The following LRBA variants were observed in gnomAD, a reference collection of about 807,000 sequenced individuals.
LRBA encodes the protein lipopolysaccharide-responsive and beige-like anchor protein.
A neutral mutation model predicts 330.0 loss-of-function variants in LRBA; 176 were observed. The ratio of observed to expected loss-of-function variants is 0.53; its 90% CI spans 0.47 to 0.60. The LOEUF is 0.60. LRBA is among the 20% of genes least tolerant of loss of function. LRBA has a pLI of 0.00. For missense variants in LRBA, 3,259 were observed against 3,444.8 expected, an observed-to-expected ratio of 0.95 and a Z score of 1.35; for synonymous variants, 1,230 against 1,193.0, an observed-to-expected ratio of 1.03 and a Z score of -0.64.
chr4:150,959,845 CA>C lies in LRBA; in HGVS notation c.217-30781del, dbSNP rs1264700568. ...AAATATATAAAAGAATGTAAATACA[CA>C]AAGAATATATTTATAAATCTATATA... On this transcript the variant is annotated intron_variant, in intron 2 of 56. Coordinates refer to ENST00000651943, the MANE Select transcript of LRBA (RefSeq NM_001364905.1). 4.2e-5 allele frequency among the ~76,000 whole-genome samples: 6 copies of C among 143,208 alleles called. 1 individual carries two copies. Among genetic ancestry groups the C allele is most frequent in the African/African-American group, 1.6e-4 (6 of 36,882 alleles). 94.0% of individuals were successfully genotyped at this position (143,208 alleles called of 152,430 possible).
At chr4:150,341,141 A>G (rs1735484970) in intron 48 of LRBA, among the ~76,000 whole-genome samples, 1 of 151,970 alleles carries the variant, frequency 6.6e-6, no homozygotes, top group Non-Finnish European at 1.5e-5. Flanking sequence ...ATGGTTTCCA[A>G]ATATGTTTTA....
At chr4:150,953,572 C>T (rs1448243809) in intron 2 of LRBA, among the ~76,000 whole-genome samples, 1 of 148,714 alleles carries the variant, frequency 6.7e-6, no homozygotes, top group Non-Finnish European at 1.5e-5. Context: ...GCCGTGTTGG[C>T]TGGGCTGGTC....
At chr4:150,599,204 A>T (rs1481326502) in intron 37 of LRBA, 73 bp from the exon 38 acceptor site, 1 of 1,540,326 alleles carries the variant, frequency 6.5e-7, no homozygotes, top group African/African-American at 1.4e-5. Context: ...TTCTGCATAA[A>T]GCTCTCCTTG....
intron 16 of LRBA, among the ~76,000 whole-genome samples, chr4:150,895,528 G>A (rs1192121279): frequency 6.6e-6 from 1 of 152,060 alleles, no homozygotes; most frequent in Admixed American, 6.6e-5. Flanking sequence ...GTGAGAACAT[G>A]TGGTGTTTGG....
chr4:150,502,939 G>A (rs1397162076), intron 40 of LRBA, among the ~76,000 whole-genome samples: 5 of 152,168 alleles, frequency 3.3e-5, no homozygotes, highest in Non-Finnish European at 5.9e-5. Context: ...CTACACCCAC[G>A]GAGTCTCGCT....
intron 34 of LRBA, among the ~76,000 whole-genome samples, chr4:150,774,648 T>G (rs1387337976): frequency 6.6e-6 from 1 of 152,250 alleles, no homozygotes; most frequent in East Asian, 1.9e-4. Context: ...CTTTTGTGAT[T>G]AAAATGCATC....
intron 47 of LRBA, among the ~76,000 whole-genome samples, chr4:150,355,083 C>G (rs981648976): frequency 6.6e-6 from 1 of 151,690 alleles, no homozygotes; most frequent in Non-Finnish European, 1.5e-5. Flanking sequence ...TTATTATTTT[C>G]TATAGTGGAG....
chr4:150,975,641 A>C (rs1451858235), intron 2 of LRBA, among the ~76,000 whole-genome samples: 1 of 152,102 alleles, frequency 6.6e-6, no homozygotes, highest in Non-Finnish European at 1.5e-5. Flanking sequence ...GAGAAGTAAA[A>C]AATCTATTAA....
chr4:150,889,444 C>T (rs753986247), intron 17 of LRBA, among the ~76,000 whole-genome samples: 1 of 152,134 alleles, frequency 6.6e-6, no homozygotes, highest in Admixed American at 6.6e-5. Context: ...TGATCGAGAC[C>T]ATCCTGGCCA....
chr4:150,468,363 T>C (rs1041087322), intron 43 of LRBA, among the ~76,000 whole-genome samples: 9 of 152,088 alleles, frequency 5.9e-5, no homozygotes, highest in Non-Finnish European at 1.0e-4. Flanking sequence ...TAATGAGCAG[T>C]ATTATCAATG....
intron 2 of LRBA, among the ~76,000 whole-genome samples, chr4:150,999,072 AAT>A (rs1743036753): frequency 6.6e-6 from 1 of 152,222 alleles, no homozygotes; most frequent in African/African-American, 2.4e-5. Context: ...TATAACAAAA[AAT>A]ACTTTTCAAT....
intron 40 of LRBA, among the ~76,000 whole-genome samples, chr4:150,567,631 A>C (rs1324552052): frequency 2.6e-5 from 4 of 152,194 alleles, no homozygotes; most frequent in Non-Finnish European, 5.9e-5. Context: ...GGATTATGAC[A>C]ATTAAAGTGC....
intron 2 of LRBA, among the ~76,000 whole-genome samples, chr4:150,935,127 G>C (rs748413267): frequency 6.7e-6 from 1 of 149,744 alleles, no homozygotes; most frequent in Non-Finnish European, 1.5e-5. Context: ...AGTGAGCCGA[G>C]ATTGCCCCAT....
rs940724270 is a variant in LRBA, at chr4:150,922,565, T to G, written c.550-1272A>C. Among the ~76,000 whole-genome samples, 22 of 151,950 alleles carry G rather than the reference T, an allele frequency of 1.4e-4. 1 individual carries two copies. On this transcript the variant is annotated intron_variant, in intron 4 of 56. Coordinates refer to ENST00000651943, the MANE Select transcript of LRBA (RefSeq NM_001364905.1). ...TCTCACTGATATGTGGGAGCTAAGC[T>G]ATGAGGACACAAAGGAAAAAGAAAG...
At chr4:150,714,715 T>C (rs1786570528) in intron 36 of LRBA, among the ~76,000 whole-genome samples, 2 of 152,184 alleles carry the variant, frequency 1.3e-5, no homozygotes, top group Non-Finnish European at 2.9e-5. Flanking sequence ...CCATAATGTA[T>C]ACACACTTCA....
At chr4:150,781,918 A>T (rs1399375040) in intron 34 of LRBA, among the ~76,000 whole-genome samples, 4 of 151,778 alleles carry the variant, frequency 2.6e-5, no homozygotes, top group Non-Finnish European at 4.4e-5. Context: ...TATTTTTTTA[A>T]TTTTTTTGAG....
At chr4:150,965,513 G>A (rs1483502699) in intron 2 of LRBA, among the ~76,000 whole-genome samples, 5 of 152,018 alleles carry the variant, frequency 3.3e-5, no homozygotes, top group Non-Finnish European at 5.9e-5. Context: ...TCTCTCTATC[G>A]TCTATATATC....
chr4:150,754,541 AAGAG>A (rs1553954470), intron 35 of LRBA, among the ~76,000 whole-genome samples: 1 of 119,066 alleles, frequency 8.4e-6, no homozygotes, highest in African/African-American at 2.6e-5. Context: ...AAAAAAAAAA[AAGAG>A]AGAGAGAGAG....
intron 16 of LRBA, 33 bp from the exon 17 acceptor site, chr4:150,893,182 TGAG>T (rs1729653382): frequency 7.5e-7 from 1 of 1,332,386 alleles, no homozygotes; most frequent in Admixed American, 2.0e-5. Flanking sequence ...TTTTAAAAAA[TGAG>T]GAAAAAACAA....
Sources: gnomAD v4.1 joint callset for allele counts (sites outside exome capture counted in the v4.1 genomes callset) on GRCh38, gnomAD v4.1.1 for gene constraint, MANE v1.5 for transcripts, NCBI Gene and HGNC (gene_info 2026-07-23, HGNC 2026-07-21) for gene names.